The following IFT88 variants were observed in gnomAD, a reference collection of about 807,000 sequenced individuals.
IFT88 encodes the protein intraflagellar transport 88.
A neutral mutation model predicts 119.5 loss-of-function variants in IFT88; 74 were observed. The observed-to-expected ratio is 0.62, with a 90% CI of 0.51 to 0.75. The LOEUF is 0.75. Ranked by LOEUF, IFT88 falls within the 30% of genes least tolerant of loss-of-function variation. The probability of loss-of-function intolerance (pLI) is 0.00; values close to 1 mark genes in which losing one functional copy is unlikely to be tolerated. For missense variants in IFT88, 961 were observed against 977.7 expected (o/e 0.98, Z 0.23); for synonymous variants, 279 against 316.7 (o/e 0.88, Z 1.26).
intron 15 of IFT88, 65 bp downstream of exon 15, chr13:20,625,914 GT>G: frequency 1.4e-6 from 1 of 696,434 alleles, no homozygotes; most frequent in East Asian, 2.8e-5. Context: ...TTAAAAACAG[GT>G]AAACTCCTTT....
At chr13:20,623,496 A>G (rs1278375054) in intron 14 of IFT88, among the ~76,000 whole-genome samples, 2 of 152,062 alleles carry the variant, frequency 1.3e-5, no homozygotes, top group African/African-American at 4.8e-5. Context: ...TTGTTTTGAG[A>G]TGGAGTTTTG....
rs372927921 is a variant in IFT88 at position 20,614,896 on chromosome 13, A to G, written c.1113-897A>G. Among the ~76,000 whole-genome samples, 396 of 146,708 alleles carry G rather than the reference A, an allele frequency of 2.7e-3. 4 individuals carry two copies. The highest frequency in any genetic ancestry group is 8.7e-3 in the African/African-American group (350 of 40,426). On this transcript the variant is annotated intron_variant, in intron 13 of 25. Coordinates refer to ENST00000351808, the MANE Select transcript of IFT88 (RefSeq NM_006531.5). ...AGTGGCCCGATCTCCGCTCACCGCA[A>G]GCTCCGCATCCCAGGTTCATGCCAT...
chr13:20,645,888 C>T (rs1432567597), intron 20 of IFT88, among the ~76,000 whole-genome samples: 1 of 152,112 alleles, frequency 6.6e-6, no homozygotes, highest in African/African-American at 2.4e-5. Context: ...ATTTATTTCA[C>T]ATAAATTTCT....
intron 24 of IFT88, among the ~76,000 whole-genome samples, chr13:20,671,337 T>A (rs1024403700): frequency 6.6e-6 from 1 of 152,194 alleles, no homozygotes; most frequent in African/African-American, 2.4e-5. Context: ...GGCGTACTTA[T>A]GAGGTTTTGC....
intron 24 of IFT88, among the ~76,000 whole-genome samples, chr13:20,683,821 A>G (rs925610271): frequency 2.0e-5 from 3 of 152,228 alleles, no homozygotes. Flanking sequence ...TCCCACATAC[A>G]GCACAGTCAG....
intron 14 of IFT88, among the ~76,000 whole-genome samples, chr13:20,624,701 C>A (rs1331942264): frequency 6.6e-6 from 1 of 152,108 alleles, no homozygotes; most frequent in South Asian, 2.1e-4. Context: ...ATAATTAGTT[C>A]AGTCCATCAT....
chr13:20,569,369 C>G (rs1348298427), intron 1 of IFT88, among the ~76,000 whole-genome samples: 2 of 151,280 alleles, frequency 1.3e-5, no homozygotes, highest in Non-Finnish European at 2.9e-5. Flanking sequence ...GTCAGGAGAT[C>G]GAGACCATCC....
chr13:20,593,878 C>A (rs778831432), intron 7 of IFT88, among the ~76,000 whole-genome samples: 3 of 151,476 alleles, frequency 2.0e-5, no homozygotes, highest in African/African-American at 4.9e-5. Flanking sequence ...AGCGAGACCC[C>A]GTCTCTACAA....
At chr13:20,590,078 C>G (rs1174055522) in intron 4 of IFT88, among the ~76,000 whole-genome samples, 4 of 151,924 alleles carry the variant, frequency 2.6e-5, no homozygotes, top group African/African-American at 9.7e-5. Flanking sequence ...TTTTATTAAC[C>G]TTTTTCCATT....
chr13:20,687,821 T>C (rs2058093365), intron 24 of IFT88, among the ~76,000 whole-genome samples: 1 of 152,150 alleles, frequency 6.6e-6, no homozygotes, highest in Non-Finnish European at 1.5e-5. Flanking sequence ...AGGAAATTCT[T>C]TGGAGGCCAA....
chr13:20,582,910 C>G (rs2038975149), intron 2 of IFT88, 47 bp from the exon 3 acceptor site: 1 of 1,444,458 alleles, frequency 6.9e-7, no homozygotes, highest in African/African-American at 1.4e-5. Context: ...ATTTTTTCCC[C>G]CAATTCTTAC....
intron 13 of IFT88, chr13:20,614,227 A>G (rs1001928611): frequency 5.9e-5 from 9 of 152,230 alleles, no homozygotes; most frequent in African/African-American, 1.9e-4. Context: ...AAATCAATCA[A>G]TGTAATTCAC....
At chr13:20,605,008 T>C in intron 12 of IFT88, 27 bp from the exon 13 acceptor site, 2 of 1,150,794 alleles carry the variant, frequency 1.7e-6, no homozygotes, top group Non-Finnish European at 2.6e-6. Flanking sequence ...TGAATTATTC[T>C]TTTTTTCTTC....
At chr13:20,600,998 A>G (rs756196091) in intron 11 of IFT88, among the ~76,000 whole-genome samples, 1 of 152,242 alleles carries the variant, frequency 6.6e-6, no homozygotes, top group Non-Finnish European at 1.5e-5. Flanking sequence ...GCCAAGTGAA[A>G]GAAGCAAGAC....
intron 20 of IFT88, among the ~76,000 whole-genome samples, chr13:20,652,075 T>A (rs1325954869): frequency 6.6e-6 from 1 of 152,138 alleles, no homozygotes; most frequent in Admixed American, 6.6e-5. Flanking sequence ...GGAAGGGAAT[T>A]AAGAGTTACT....
intron 9 of IFT88, among the ~76,000 whole-genome samples, chr13:20,597,511 G>A (rs534760365): frequency 1.5e-3 from 233 of 152,142 alleles, no homozygotes; most frequent in African/African-American, 5.2e-3. Context: ...TTGGGAGGCC[G>A]AGGCGGGCAG....
At chr13:20,633,950 T>G (rs1267391020) in intron 16 of IFT88, among the ~76,000 whole-genome samples, 2 of 152,176 alleles carry the variant, frequency 1.3e-5, no homozygotes, top group East Asian at 1.9e-4. Flanking sequence ...CCTGGATGCT[T>G]CTTTTACTGG....
intron 18 of IFT88, chr13:20,642,846 C>T (rs2050159821): frequency 6.6e-6 from 1 of 151,660 alleles, no homozygotes; most frequent in Non-Finnish European, 1.5e-5. Context: ...TGGTGTCACT[C>T]TTGTCACCAT....
chr13:20,638,369 T>G lies in IFT88; in HGVS notation c.1424T>G (p.Ile475Arg), dbSNP rs369442351. The change falls in exon 17 of 26, where the codon ATA becomes AGA. Residue 475 changes from isoleucine (I) to arginine (R), a missense_variant. Coordinates refer to ENST00000351808, the MANE Select transcript of IFT88 (RefSeq NM_006531.5). ...GCACAAGCCAGCAGCTATGCAGATA[T>G]AGCTGTGAACTCTGATAGATATAAT... ...DFAQASSYAD[I>R]AVNSDRYNPA... 1 of 1,449,808 alleles carries G rather than the reference T, an allele frequency of 6.9e-7. No homozygotes were observed. Among genetic ancestry groups the G allele is most frequent in the East Asian group, 2.6e-5 (1 of 38,574 alleles). The allele number at this position is 1,449,808 out of a possible 1,614,324, so 89.8% of individuals were successfully genotyped here.
Sources: gnomAD v4.1 joint callset for allele counts (sites outside exome capture counted in the v4.1 genomes callset) on GRCh38, gnomAD v4.1.1 for gene constraint, MANE v1.5 for transcripts, NCBI Gene and HGNC (gene_info 2026-07-23, HGNC 2026-07-21) for gene names.